The following PCCA variants were observed in gnomAD, a reference collection of about 807,000 sequenced individuals.
PCCA encodes propionyl-CoA carboxylase subunit alpha, also known as propionyl-CoA carboxylase alpha chain, mitochondrial.
A neutral mutation model predicts 101.3 loss-of-function variants in PCCA; 74 were observed. The ratio of observed to expected loss-of-function variants is 0.73; its 90% CI spans 0.61 to 0.89. The LOEUF (loss-of-function observed/expected upper bound fraction) is 0.89, where lower values mean the gene tolerates loss of function less well. PCCA is among the 40% of genes least tolerant of loss of function. The probability of loss-of-function intolerance (pLI) is 0.00; values close to 1 mark genes in which losing one functional copy is unlikely to be tolerated. For missense variants in PCCA, 891 were observed against 907.0 expected (o/e 0.98, Z 0.23); for synonymous variants, 294 against 313.6 (o/e 0.94, Z 0.66).
intron 5 of PCCA, among the ~76,000 whole-genome samples, chr13:100,156,686 A>G (rs748021675): frequency 4.6e-5 from 7 of 152,182 alleles, no homozygotes; most frequent in Non-Finnish European, 7.3e-5. Context: ...ACAAAATAAA[A>G]GTAAAACCAC....
chr13:100,421,408 G>C (rs2078744663), intron 19 of PCCA, among the ~76,000 whole-genome samples: 1 of 151,982 alleles, frequency 6.6e-6, no homozygotes, highest in Admixed American at 6.6e-5. Flanking sequence ...ATAGCACACT[G>C]TATACACTAT....
At chr13:100,128,681 C>T (rs1293087033) in intron 4 of PCCA, among the ~76,000 whole-genome samples, 5 of 152,138 alleles carry the variant, frequency 3.3e-5, no homozygotes, top group African/African-American at 1.2e-4. Context: ...CTAGTGTGAC[C>T]ACCAGTTTTC....
chr13:100,523,309 G>A (rs2087457800), intron 22 of PCCA, among the ~76,000 whole-genome samples: 1 of 152,168 alleles, frequency 6.6e-6, no homozygotes, highest in Admixed American at 6.5e-5. Flanking sequence ...TGGGGAAAGA[G>A]TCCTCTGAAA....
chr13:100,095,349 C>T (rs746035272), intron 1 of PCCA, among the ~76,000 whole-genome samples: 2 of 152,176 alleles, frequency 1.3e-5, no homozygotes, highest in Non-Finnish European at 2.9e-5. Context: ...TTCAATTCAC[C>T]TACACGTAGT....
chr13:100,241,407 G>T (rs1428379476), intron 8 of PCCA, among the ~76,000 whole-genome samples: 3 of 152,072 alleles, frequency 2.0e-5, no homozygotes, highest in Non-Finnish European at 4.4e-5. Context: ...GTTCATCCAT[G>T]TTCTACCGTT....
chr13:100,180,903 T>C (rs769980019), intron 6 of PCCA, among the ~76,000 whole-genome samples: 33 of 152,360 alleles, frequency 2.2e-4, no homozygotes, highest in Admixed American at 3.9e-4. Flanking sequence ...CTGACAATTA[T>C]TGATTCAGGG....
intron 10 of PCCA, 117 bp downstream of exon 10, chr13:100,262,948 G>T (rs2062630089): frequency 9.5e-6 from 6 of 631,888 alleles, no homozygotes; most frequent in African/African-American, 3.7e-5. Context: ...AGAATCTGTT[G>T]TACTTTCCGT....
intron 4 of PCCA, among the ~76,000 whole-genome samples, chr13:100,139,064 A>G (rs1426830496): frequency 1.3e-5 from 2 of 151,774 alleles, no homozygotes; most frequent in South Asian, 2.1e-4. Context: ...GAAAAACATT[A>G]TGTCACTTCC....
chr13:100,114,347 C>T (rs530851283), intron 4 of PCCA, among the ~76,000 whole-genome samples: 15 of 152,126 alleles, frequency 9.9e-5, no homozygotes, highest in South Asian at 2.1e-4. Flanking sequence ...GGAGGCCAAG[C>T]GGGCAGATCA....
chr13:100,248,375 A>G (rs1055148842), intron 8 of PCCA, among the ~76,000 whole-genome samples: 1 of 151,740 alleles, frequency 6.6e-6, no homozygotes, highest in African/African-American at 2.4e-5. Flanking sequence ...GAAATTTTAT[A>G]CTCTATTTCT....
intron 16 of PCCA, among the ~76,000 whole-genome samples, chr13:100,321,591 C>CTT (rs1294004559): frequency 7.6e-5 from 10 of 131,918 alleles, no homozygotes; most frequent in Non-Finnish European, 3.2e-5. Context: ...TATAGAAGAT[C>CTT]TGTGTGTGTG....
At chr13:100,419,468 T>A (rs1197376351) in intron 19 of PCCA, among the ~76,000 whole-genome samples, 1 of 133,042 alleles carries the variant, frequency 7.5e-6, no homozygotes, top group East Asian at 2.0e-4. Flanking sequence ...CGAGACTTTG[T>A]CTCAAAAAAA....
At chr13:100,310,008 G>T in intron 16 of PCCA, 100 bp downstream of exon 16, 1 of 849,336 alleles carries the variant, frequency 1.2e-6, no homozygotes, top group South Asian at 1.4e-5. Flanking sequence ...CAGCACATTT[G>T]CTCACTATGT....
intron 12 of PCCA, among the ~76,000 whole-genome samples, chr13:100,295,364 A>G (rs527587131): frequency 2.1e-4 from 32 of 152,232 alleles, no homozygotes; most frequent in Admixed American, 3.3e-4. Context: ...GTGGGTAATC[A>G]TACTAAACTA....
chr13:100,253,424 A>G (rs1424701988), intron 8 of PCCA, among the ~76,000 whole-genome samples: 1 of 152,184 alleles, frequency 6.6e-6, no homozygotes, highest in Non-Finnish European at 1.5e-5. Context: ...AACATTTTTT[A>G]AACTGATGAA....
At chr13:100,364,716 G>A (rs2074993110) in intron 18 of PCCA, among the ~76,000 whole-genome samples, 1 of 152,166 alleles carries the variant, frequency 6.6e-6, no homozygotes, top group East Asian at 1.9e-4. Flanking sequence ...GCACAGTGAA[G>A]CCTTTTTCCT....
intron 17 of PCCA, among the ~76,000 whole-genome samples, chr13:100,337,391 A>C (rs1307683327): frequency 6.6e-6 from 1 of 152,226 alleles, no homozygotes; most frequent in Non-Finnish European, 1.5e-5. Context: ...GAGACCGTTC[A>C]AAGGGAGCTC....
chr13:100,174,506 T>C (rs898687113), intron 6 of PCCA, among the ~76,000 whole-genome samples: 2 of 149,380 alleles, frequency 1.3e-5, no homozygotes, highest in African/African-American at 5.0e-5. Context: ...ATCAGGCAGA[T>C]CACTTGAGGT....
chr13:100,132,272 A>ATTACCCCTCAGACTCCCTTGTGAGTCG (rs1416355899), intron 4 of PCCA, among the ~76,000 whole-genome samples: 1 of 151,990 alleles, frequency 6.6e-6, no homozygotes, highest in African/African-American at 2.4e-5. Flanking sequence ...GAGTAGTTCC[A>ATTACCCCTCAGACTCCCTTGTGAGTCG]TTACCCCTCA....
Sources: allele counts gnomAD v4.1 joint callset (sites outside exome capture counted in the v4.1 genomes callset), GRCh38; gene constraint gnomAD v4.1.1; transcripts MANE v1.5; gene names NCBI Gene and HGNC (gene_info 2026-07-23, HGNC 2026-07-21).